The following STAU2 variants were observed in gnomAD, a reference collection of about 807,000 sequenced individuals.
STAU2 encodes staufen double-stranded RNA binding protein 2, also known as double-stranded RNA-binding protein Staufen homolog 2.
Under a neutral mutation model 65.9 loss-of-function variants are expected in STAU2, and 20 were observed. The observed-to-expected ratio is 0.30, with a 90% CI of 0.21 to 0.44. The LOEUF is 0.44. Among genes scored for constraint, STAU2 ranks in the 20% least tolerant of loss-of-function variants. The probability of loss-of-function intolerance (pLI) is 1.00; values close to 1 mark genes in which losing one functional copy is unlikely to be tolerated. For missense variants in STAU2, 558 were observed against 683.9 expected, an observed-to-expected ratio of 0.82 and a Z score of 2.05; for synonymous variants, 232 against 233.9, an observed-to-expected ratio of 0.99 and a Z score of 0.07.
chr8:73,678,571 C>A (rs964409704), intron 5 of STAU2, among the ~76,000 whole-genome samples: 2 of 152,158 alleles, frequency 1.3e-5, no homozygotes, highest in African/African-American at 4.8e-5. Context: ...GGCACTTAAT[C>A]TTTACCATCA....
At chr8:73,490,306 ACCCGAGAG>A (rs1563622674) in intron 13 of STAU2, among the ~76,000 whole-genome samples, 1 of 151,926 alleles carries the variant, frequency 6.6e-6, no homozygotes, top group Non-Finnish European at 1.5e-5. Flanking sequence ...TCCCACTGAA[ACCCGAGAG>A]CCTGATTTAC....
chr8:73,474,400 A>G (rs892187619), intron 13 of STAU2, among the ~76,000 whole-genome samples: 25 of 152,214 alleles, frequency 1.6e-4, no homozygotes, highest in Non-Finnish European at 7.3e-5. Flanking sequence ...ACTTATTGTG[A>G]TATGTAAGGA....
At chr8:73,591,923 A>T (rs1810844756) in intron 11 of STAU2, among the ~76,000 whole-genome samples, 1 of 144,922 alleles carries the variant, frequency 6.9e-6, no homozygotes, top group Non-Finnish European at 1.5e-5. Context: ...AACAAGAGAG[A>T]GACAAGAAAA....
At chr8:73,698,333 T>C (rs1171980008) in intron 4 of STAU2, among the ~76,000 whole-genome samples, 1 of 151,826 alleles carries the variant, frequency 6.6e-6, no homozygotes, top group Non-Finnish European at 1.5e-5. Flanking sequence ...TGAATGTAAA[T>C]GAACTAAATT....
rs117643970 is a variant in STAU2 at position 73,555,267 on chromosome 8, A to G, written c.1223-2948T>C. 2.5e-3 allele frequency among the ~76,000 whole-genome samples: 376 copies of G among 152,312 alleles called. 1 individual carries two copies. The highest frequency in any genetic ancestry group is 4.1e-3 in the Non-Finnish European group (277 of 68,032). ...GGACTGAGAGCAGATGGCCAGCAGG[A>G]GCAAGGGCAGGGACCTGGAGGGTTT... On this transcript the variant is annotated intron_variant, in intron 12 of 14. Coordinates refer to ENST00000524300, the MANE Select transcript of STAU2 (RefSeq NM_001164380.2).
At chr8:73,702,203 T>C (rs902074389) in intron 4 of STAU2, among the ~76,000 whole-genome samples, 2 of 152,136 alleles carry the variant, frequency 1.3e-5, no homozygotes, top group Non-Finnish European at 2.9e-5. Flanking sequence ...TCAATAATAA[T>C]TTAATTTTAC....
chr8:73,569,420 C>T (rs1808871247), intron 12 of STAU2, among the ~76,000 whole-genome samples: 1 of 152,150 alleles, frequency 6.6e-6, no homozygotes, highest in African/African-American at 2.4e-5. Flanking sequence ...GAAACTTCTG[C>T]AGACTTAAAC....
intron 13 of STAU2, among the ~76,000 whole-genome samples, chr8:73,543,645 T>C (rs1172192970): frequency 6.6e-6 from 1 of 152,204 alleles, no homozygotes; most frequent in African/African-American, 2.4e-5. Context: ...ACTACCATTC[T>C]GATGTTAGCT....
chr8:73,472,502 C>T (rs1820089782), intron 13 of STAU2, among the ~76,000 whole-genome samples: 1 of 152,040 alleles, frequency 6.6e-6, no homozygotes. Flanking sequence ...TATTAGAAAA[C>T]CATCAATAAA....
chr8:73,614,361 C>G (rs1328022781), intron 8 of STAU2, among the ~76,000 whole-genome samples: 1 of 152,070 alleles, frequency 6.6e-6, no homozygotes, highest in South Asian at 2.1e-4. Flanking sequence ...GAGTAAGTTG[C>G]TGGAGAAACG....
intron 13 of STAU2, chr8:73,438,915 T>C: frequency 2.2e-6 from 1 of 456,394 alleles, no homozygotes; most frequent in Non-Finnish European, 4.4e-6. Context: ...AAAAGCTGTC[T>C]TCCTTCCCGC....
chr8:73,676,011 A>C (rs893225195), intron 5 of STAU2, among the ~76,000 whole-genome samples: 1 of 152,204 alleles, frequency 6.6e-6, no homozygotes, highest in Admixed American at 6.5e-5. Flanking sequence ...TGAAGGATAC[A>C]TGGGAAGTCT....
chr8:73,729,395 A>T (rs535199807), intron 3 of STAU2, among the ~76,000 whole-genome samples: 5 of 152,300 alleles, frequency 3.3e-5, no homozygotes, highest in Non-Finnish European at 4.4e-5. Context: ...TGGCTTTGGT[A>T]TCAGGGTAAT....
At chr8:73,663,721 T>C (rs1817014482) in intron 6 of STAU2, among the ~76,000 whole-genome samples, 1 of 144,752 alleles carries the variant, frequency 6.9e-6, no homozygotes, top group African/African-American at 2.6e-5. Flanking sequence ...AATAATAGAG[T>C]CTTCTTTAAT....
intron 13 of STAU2, among the ~76,000 whole-genome samples, chr8:73,459,464 T>C (rs981664225): frequency 9.2e-5 from 14 of 152,212 alleles, no homozygotes; most frequent in Non-Finnish European, 1.5e-5. Context: ...CCATCTTGAA[T>C]GTCCAAACTT....
At chr8:73,733,930 T>C (rs1806246334) in intron 3 of STAU2, among the ~76,000 whole-genome samples, 1 of 152,068 alleles carries the variant, frequency 6.6e-6, no homozygotes, top group Non-Finnish European at 1.5e-5. Flanking sequence ...TCTAAGAAAA[T>C]AATTGGACAA....
intron 9 of STAU2, among the ~76,000 whole-genome samples, chr8:73,609,889 C>G (rs1416667224): frequency 6.6e-6 from 1 of 152,138 alleles, no homozygotes. Context: ...AAGAATGTCT[C>G]TGAGTTCCAA....
At chr8:73,710,130 C>A (rs1200427473) in intron 3 of STAU2, among the ~76,000 whole-genome samples, 1 of 152,028 alleles carries the variant, frequency 6.6e-6, no homozygotes, top group East Asian at 1.9e-4. Context: ...CTTCCCCTAC[C>A]GTTTCTCCTC....
intron 13 of STAU2, among the ~76,000 whole-genome samples, chr8:73,428,278 G>A (rs1816978342): frequency 6.6e-6 from 1 of 152,072 alleles, no homozygotes; most frequent in Non-Finnish European, 1.5e-5. Flanking sequence ...TTCTATCCAT[G>A]TTGTTGCAAA....
Sources: allele counts gnomAD v4.1 joint callset (sites outside exome capture counted in the v4.1 genomes callset), GRCh38; gene constraint gnomAD v4.1.1; transcripts MANE v1.5; gene names NCBI Gene and HGNC (gene_info 2026-07-23, HGNC 2026-07-21).